The following KPNA3 variants were observed in gnomAD, a reference collection of about 807,000 sequenced individuals.
KPNA3 encodes karyopherin subunit alpha 3.
KPNA3 carries 13 observed loss-of-function variants against 73.8 expected under a neutral mutation model. The observed-to-expected ratio is 0.18, with a 90% CI of 0.11 to 0.28. KPNA3 has a LOEUF of 0.28. KPNA3 is among the 10% of genes least tolerant of loss of function. The pLI is 1.00. For missense variants in KPNA3, 360 were observed against 618.1 expected (o/e 0.58, Z 4.43); for synonymous variants, 186 against 206.9 (o/e 0.90, Z 0.87).
At position 49,719,774 on chromosome 13, in the gene KPNA3, C is replaced by A; in HGVS notation, c.771+1G>T. On this transcript the variant is annotated splice_donor_variant, in intron 10 of 16. Transcript: ENST00000261667. LOFTEE classifies it high-confidence loss of function. The stretch of plus-strand genomic sequence containing the variant: ...CACATTTAAGCTGCTTCTTAACTTA[C>A]GTTTATATCTGTATGGTATATGAGG... 1 of 1,598,106 alleles carries A rather than the reference C, an allele frequency of 6.3e-7. No individual in the cohort carries two copies. The highest frequency in any genetic ancestry group is 1.3e-5 in the African/African-American group (1 of 74,596).
chr13:49,716,733 C>T lies in KPNA3; in HGVS notation c.771+3042G>A, dbSNP rs1395743142. ...GATTACAAATATGAGCCACCGTGCC[C>T]AGCCATCATCATACTACTTTTAAAA... On this transcript the variant is annotated intron_variant, in intron 10 of 16. Coordinates refer to ENST00000261667, the MANE Select transcript of KPNA3 (RefSeq NM_002267.4). Among the ~76,000 whole-genome samples, 3 of 152,138 alleles carry T rather than the reference C, an allele frequency of 2.0e-5. No homozygotes were observed. The East Asian group carries it at 5.8e-4, about 29-fold the overall frequency.
chr13:49,738,065 C>T (rs1347711581), intron 2 of KPNA3, among the ~76,000 whole-genome samples: 1 of 151,886 alleles, frequency 6.6e-6, no homozygotes, highest in Non-Finnish European at 1.5e-5. Flanking sequence ...TTCTATAATC[C>T]ATTTTGTATT....
chr13:49,772,554 T>A (rs1954863809), intron 1 of KPNA3, among the ~76,000 whole-genome samples: 1 of 152,122 alleles, frequency 6.6e-6, no homozygotes, highest in African/African-American at 2.4e-5. Context: ...TGTAATCCCA[T>A]CACTTTGGGA....
chr13:49,736,614 A>G (rs886607668), intron 2 of KPNA3, among the ~76,000 whole-genome samples: 18 of 152,236 alleles, frequency 1.2e-4, no homozygotes, highest in Non-Finnish European at 1.5e-5. Context: ...GCAAAACTAT[A>G]GTACAGTATC....
chr13:49,727,537 T>C (rs751034907), intron 6 of KPNA3, among the ~76,000 whole-genome samples: 15 of 151,228 alleles, frequency 9.9e-5, no homozygotes, highest in South Asian at 2.1e-4. Context: ...GTCAGAGATA[T>C]AGCAAATAGT....
rs1300151936 is a variant in KPNA3, at chr13:49,723,749, A to G, written c.470-1186T>C. ...GCTGGACATGGTGGTGTGTGCCTGT[A>G]GTCCCAGCTACTTGGGAGGGTGAGG... is the stretch of plus-strand genomic sequence containing the variant. On this transcript the variant is annotated intron_variant, in intron 7 of 16. Transcript: ENST00000261667. 2.6e-5 allele frequency among the ~76,000 whole-genome samples: 4 copies of G among 151,496 alleles called. No homozygotes were observed. In the East Asian group the frequency reaches 7.8e-4, roughly 30 times the overall value.
chr13:49,734,556 T>C (rs1455033995), intron 2 of KPNA3, among the ~76,000 whole-genome samples: 1 of 152,226 alleles, frequency 6.6e-6, no homozygotes, highest in South Asian at 2.1e-4. Flanking sequence ...AATGTAGTGT[T>C]ATTTAAGTGT....
intron 12 of KPNA3, among the ~76,000 whole-genome samples, chr13:49,707,906 T>G (rs1479083339): frequency 6.6e-6 from 1 of 152,126 alleles, no homozygotes; most frequent in Non-Finnish European, 1.5e-5. Context: ...GAAGAAGAAA[T>G]GATCAGTTCT....
At chr13:49,776,079 T>C (rs1954896189) in intron 1 of KPNA3, among the ~76,000 whole-genome samples, 1 of 152,168 alleles carries the variant, frequency 6.6e-6, no homozygotes, top group Non-Finnish European at 1.5e-5. Context: ...TTTTTATTTT[T>C]TATTTTTGTA....
At chr13:49,708,459 G>A (rs1362793280) in intron 12 of KPNA3, among the ~76,000 whole-genome samples, 1 of 152,254 alleles carries the variant, frequency 6.6e-6, no homozygotes, top group East Asian at 1.9e-4. Context: ...AATGGAAAAC[G>A]GTTTGGTGGT....
chr13:49,727,140 G>A (rs961643442), intron 6 of KPNA3, among the ~76,000 whole-genome samples: 1 of 151,866 alleles, frequency 6.6e-6, no homozygotes, highest in African/African-American at 2.4e-5. Flanking sequence ...AGCAAGCAAG[G>A]TTGTTAGTAT....
intron 1 of KPNA3, among the ~76,000 whole-genome samples, chr13:49,774,895 C>T (rs1594460841): frequency 6.6e-6 from 1 of 152,122 alleles, no homozygotes; most frequent in Non-Finnish European, 1.5e-5. Flanking sequence ...TGGCTCATGC[C>T]TGTAATCCCA....
chr13:49,724,146 T>C (rs984141640), intron 7 of KPNA3, among the ~76,000 whole-genome samples: 4 of 152,220 alleles, frequency 2.6e-5, no homozygotes, highest in Admixed American at 6.5e-5. Flanking sequence ...TTGTATTCCA[T>C]TGTATACACC....
intron 1 of KPNA3, among the ~76,000 whole-genome samples, chr13:49,784,769 G>A (rs1272053078): frequency 1.3e-5 from 2 of 152,122 alleles, no homozygotes; most frequent in Non-Finnish European, 2.9e-5. Flanking sequence ...CGGTGCCTAC[G>A]ATGTATTTAT....
chr13:49,721,857 GAAAT>G, intron 9 of KPNA3, 94 bp downstream of exon 9: 1 of 768,858 alleles, frequency 1.3e-6, no homozygotes, highest in Non-Finnish European at 1.9e-6. Flanking sequence ...CACCTGCAAT[GAAAT>G]CAGTATATGT....
chr13:49,775,161 T>TC (rs1166199160), intron 1 of KPNA3, among the ~76,000 whole-genome samples: 1 of 23,512 alleles, frequency 4.3e-5, no homozygotes, highest in Non-Finnish European at 7.1e-5. Context: ...AGACTCTGTC[T>TC]CAAAAAAAAA....
intron 2 of KPNA3, among the ~76,000 whole-genome samples, chr13:49,741,872 T>G (rs1954577482): frequency 6.6e-6 from 1 of 152,264 alleles, no homozygotes; most frequent in South Asian, 2.1e-4. Context: ...TAGTCTCTTT[T>G]GCTGTGCAGA....
chr13:49,721,000 C>T (rs1954351151), intron 9 of KPNA3, among the ~76,000 whole-genome samples: 2 of 152,096 alleles, frequency 1.3e-5, no homozygotes, highest in Non-Finnish European at 2.9e-5. Context: ...GAGCAGATCA[C>T]TTCAGGTCAG....
In KPNA3 at chr13:49,722,667, T is replaced by C. The variant is rs1954370548; in HGVS notation, c.470-104A>G. Reference sequence around the variant, plus strand: ...AATACACAGCCTGGCATATTGTAGCTGGAAGAACAAATGTGGCAAATATCT... The same window carrying C: ...AATACACAGCCTGGCATATTGTAGCCGGAAGAACAAATGTGGCAAATATCT... On this transcript the variant is annotated intron_variant, in intron 7 of 16. Transcript: ENST00000261667. 2.0e-5 allele frequency: 13 copies of C among 653,852 alleles called. No individual in the cohort carries two copies. In the South Asian group the frequency reaches 2.9e-4, roughly 15 times the overall value. 40.5% of individuals were successfully genotyped at this position (653,852 alleles called of 1,614,324 possible).
Sources: gnomAD v4.1 joint callset for allele counts (sites outside exome capture counted in the v4.1 genomes callset) on GRCh38, gnomAD v4.1.1 for gene constraint, MANE v1.5 for transcripts, NCBI Gene and HGNC (gene_info 2026-07-23, HGNC 2026-07-21) for gene names.